PDE4B: variants seen among roughly 807,000 people sequenced by gnomAD.
The protein encoded by PDE4B is phosphodiesterase 4B, also known as 3',5'-cyclic-AMP phosphodiesterase 4B.
PDE4B carries 20 observed loss-of-function variants against 82.2 expected under a neutral mutation model. The observed-to-expected ratio is 0.24, with a 90% confidence interval of 0.17 to 0.35. The LOEUF (loss-of-function observed/expected upper bound fraction) is 0.35, where lower values mean the gene tolerates loss of function less well. Ranked by LOEUF, PDE4B falls within the 10% of genes least tolerant of loss-of-function variation. PDE4B has a pLI of 1.00. For missense variants in PDE4B, 655 were observed against 907.2 expected, an observed-to-expected ratio of 0.72 and a Z score of 3.57; for synonymous variants, 320 against 318.9, an observed-to-expected ratio of 1.00 and a Z score of -0.04.
At chr1:65,895,923 T>C (rs1167070410) in intron 1 of PDE4B, among the ~76,000 whole-genome samples, 1 of 109,078 alleles carries the variant, frequency 9.2e-6, no homozygotes, top group African/African-American at 3.4e-5. Flanking sequence ...TGGGCAAAGA[T>C]GAAAAAGAAA....
chr1:65,966,277 A>T (rs934088760), intron 3 of PDE4B, among the ~76,000 whole-genome samples: 2 of 152,230 alleles, frequency 1.3e-5, no homozygotes, highest in Admixed American at 1.3e-4. Flanking sequence ...GAGCCAAATC[A>T]TGAGTGAACT....
chr1:66,105,656 G>T (rs564869341), intron 3 of PDE4B, among the ~76,000 whole-genome samples: 1 of 151,846 alleles, frequency 6.6e-6, no homozygotes, highest in African/African-American at 2.4e-5. Context: ...AGTCCTTCAC[G>T]TCCCTTGTAA....
At chr1:66,272,587 C>G (rs1655579453) in intron 7 of PDE4B, among the ~76,000 whole-genome samples, 1 of 151,614 alleles carries the variant, frequency 6.6e-6, no homozygotes, top group African/African-American at 2.4e-5. Context: ...CCTTTTATCT[C>G]CCTCTTCACC....
At chr1:66,162,276 C>T (rs2503218) in intron 3 of PDE4B, among the ~76,000 whole-genome samples, 98,209 of 145,046 alleles carry the variant, frequency 0.68, 33,472 homozygotes, top group Middle Eastern at 0.71. Context: ...ATTTCATAGG[C>T]CCTTTGGTGG....
At chr1:65,837,978 A>G (rs1434310742) in intron 1 of PDE4B, among the ~76,000 whole-genome samples, 9 of 152,130 alleles carry the variant, frequency 5.9e-5, no homozygotes, top group African/African-American at 2.2e-4. Flanking sequence ...ATGTGATTTT[A>G]TTTTAGCACA....
chr1:66,341,321 TCAGC>T (rs1660965420), intron 8 of PDE4B, among the ~76,000 whole-genome samples: 2 of 152,366 alleles, frequency 1.3e-5, no homozygotes, highest in South Asian at 4.1e-4. Context: ...CTGTTCATCT[TCAGC>T]AAAAGGCTAG....
At position 66,202,528 on chromosome 1, in the gene PDE4B, C is replaced by T. The variant is rs187594545; in HGVS notation, c.282-44932C>T. ...AGGACTTGCTTTATGAATCTGGGTG[C>T]GCCTGTATTGGGTGCATATATATTT... On this transcript the variant is annotated intron_variant, in intron 3 of 16. Transcript: ENST00000341517. Among the ~76,000 whole-genome samples, 35 of 152,212 alleles carry T rather than the reference C, an allele frequency of 2.3e-4. 1 individual carries two copies. The highest frequency in any genetic ancestry group is 3.9e-4 in the African/African-American group (16 of 41,506).
At chr1:65,832,700 G>GAA (rs1646096163) in intron 1 of PDE4B, among the ~76,000 whole-genome samples, 1 of 152,204 alleles carries the variant, frequency 6.6e-6, no homozygotes, top group South Asian at 2.1e-4. Flanking sequence ...GTCCTGGTAG[G>GAA]ATAGAAGTCA....
At chr1:65,856,606 G>A (rs566768304) in intron 1 of PDE4B, among the ~76,000 whole-genome samples, 1 of 152,182 alleles carries the variant, frequency 6.6e-6, no homozygotes, top group Non-Finnish European at 1.5e-5. Flanking sequence ...TTGGTTGCAA[G>A]TCTTTGCTAT....
At chr1:65,921,245 G>A (rs1248442588) in intron 3 of PDE4B, among the ~76,000 whole-genome samples, 1 of 152,022 alleles carries the variant, frequency 6.6e-6, no homozygotes, top group East Asian at 1.9e-4. Context: ...TGGGATTACA[G>A]GTGTGAGCCA....
chr1:66,014,887 T>C (rs1652684056), intron 3 of PDE4B, among the ~76,000 whole-genome samples: 1 of 152,044 alleles, frequency 6.6e-6, no homozygotes. Context: ...AGTGCTGAGG[T>C]TGAGGAACCC....
intron 3 of PDE4B, among the ~76,000 whole-genome samples, chr1:66,051,146 A>G (rs2100861419): frequency 6.6e-6 from 1 of 152,266 alleles, no homozygotes; most frequent in South Asian, 2.1e-4. Context: ...CTTATGGCAC[A>G]TGTATACATA....
intron 1 of PDE4B, among the ~76,000 whole-genome samples, chr1:65,910,467 G>A (rs573393996): frequency 1.3e-5 from 2 of 152,268 alleles, no homozygotes; most frequent in East Asian, 3.9e-4. Flanking sequence ...ATTACCTTCT[G>A]ACTATTGTAA....
chr1:66,231,704 A>C (rs1269819854), intron 3 of PDE4B, among the ~76,000 whole-genome samples: 2 of 152,262 alleles, frequency 1.3e-5, no homozygotes, highest in African/African-American at 4.8e-5. Context: ...CTTTAAAAAC[A>C]GGTGTTTAAA....
chr1:66,201,267 T>A (rs1161353286), intron 3 of PDE4B, among the ~76,000 whole-genome samples: 1 of 152,226 alleles, frequency 6.6e-6, no homozygotes, highest in Non-Finnish European at 1.5e-5. Flanking sequence ...ACTGAGGATT[T>A]TTGCATCAAT....
chr1:66,293,952 TC>T (rs1285778000), intron 7 of PDE4B, among the ~76,000 whole-genome samples: 1 of 152,202 alleles, frequency 6.6e-6, no homozygotes, highest in Non-Finnish European at 1.5e-5. Flanking sequence ...ATGCCTGTAA[TC>T]CCAGCACTTT....
chr1:65,811,325 C>T (rs1010549207), intron 1 of PDE4B, among the ~76,000 whole-genome samples: 2 of 152,334 alleles, frequency 1.3e-5, no homozygotes, highest in South Asian at 2.1e-4. Flanking sequence ...TCATGGACTA[C>T]GTCTTGTCTT....
At chr1:66,062,007 A>C (rs1393973657) in intron 3 of PDE4B, among the ~76,000 whole-genome samples, 2 of 152,174 alleles carry the variant, frequency 1.3e-5, no homozygotes, top group African/African-American at 2.4e-5. Flanking sequence ...GCAAATGAAA[A>C]GTGATCATAC....
chr1:66,168,990 T>G (rs1646788692), intron 3 of PDE4B, among the ~76,000 whole-genome samples: 1 of 152,124 alleles, frequency 6.6e-6, no homozygotes, highest in Non-Finnish European at 1.5e-5. Flanking sequence ...CCAACTAAAA[T>G]GCAGGATTAT....
Sources: gnomAD v4.1 joint callset for allele counts (sites outside exome capture counted in the v4.1 genomes callset) on GRCh38, gnomAD v4.1.1 for gene constraint, MANE v1.5 for transcripts, NCBI Gene and HGNC (gene_info 2026-07-23, HGNC 2026-07-21) for gene names.